Variants in B3GAT2 observed in about 807,000 individuals in gnomAD.
B3GAT2 encodes galactosylgalactosylxylosylprotein 3-beta-glucuronosyltransferase 2.
In B3GAT2, 26 loss-of-function variants were observed where a neutral mutation model predicts 27.8. The ratio of observed to expected loss-of-function variants is 0.93; its 90% CI spans 0.68 to 1.30. The LOEUF is 1.30. Among genes scored for constraint, B3GAT2 ranks in the 50% most tolerant of loss-of-function variants. B3GAT2 has a pLI of 0.00. For synonymous variants in B3GAT2, 218 were observed against 195.1 expected (o/e 1.12, Z -0.98); for missense variants, 458 against 459.0 (o/e 1.00, Z 0.02).
intron 1 of B3GAT2, 147 bp from the exon 2 acceptor site, chr6:70,894,419 G>A (rs1772344995): frequency 1.1e-6 from 1 of 877,754 alleles, no homozygotes; most frequent in Non-Finnish European, 1.6e-6. Flanking sequence ...TCTGCTGCTA[G>A]AGTATGGCCC....
At position 70,861,964 on chromosome 6, in the gene B3GAT2, G is replaced by GACTT. The variant is rs763580869; in HGVS notation, c.747_750dup (p.Leu251LysfsTer14). 14 of 1,607,892 alleles carry GACTT rather than the reference G, an allele frequency of 8.7e-6. No homozygotes were observed. The highest frequency in any genetic ancestry group is 5.5e-5 in the South Asian group (5 of 90,676). ...TTTGGATTGGACAAAATGACTTGAA[G>GACTT]ACTTACAGCAAATCCTTTGTGAAAA... On this transcript the variant is annotated frameshift_variant, in exon 3 of 4. Transcript: ENST00000230053. LOFTEE classifies it high-confidence loss of function.
chr6:70,891,097 C>G (rs1255657594), intron 2 of B3GAT2, among the ~76,000 whole-genome samples: 2 of 152,186 alleles, frequency 1.3e-5, no homozygotes, highest in African/African-American at 2.4e-5. Flanking sequence ...CAAAACAGAG[C>G]TAAAACCTTT....
chr6:70,927,028 GC>G (rs1210407473), intron 1 of B3GAT2, among the ~76,000 whole-genome samples: 1 of 152,128 alleles, frequency 6.6e-6, no homozygotes, highest in Non-Finnish European at 1.5e-5. Context: ...TATTCAACAT[GC>G]TTAAAGAAAA....
chr6:70,883,716 TA>T lies in B3GAT2; in HGVS notation c.736+10411del, dbSNP rs199708662. Among the ~76,000 whole-genome samples, 4 of 152,290 alleles carry T rather than the reference TA, an allele frequency of 2.6e-5. No individual in the cohort carries two copies. The East Asian group carries it at 7.7e-4, about 29-fold the overall frequency. On this transcript the variant is annotated intron_variant, in intron 2 of 3. Transcript: ENST00000230053. ...GTCCACTTCAAAATGGTTAAAATGG[TA>T]AATTTTATGTTACGTATATTTCACC...
chr6:70,954,931 G>A (rs1338561280), intron 1 of B3GAT2, among the ~76,000 whole-genome samples: 2 of 150,786 alleles, frequency 1.3e-5, no homozygotes, highest in African/African-American at 2.4e-5. Flanking sequence ...GGGGCGGTGC[G>A]CGCGTGGCCA....
chr6:70,869,163 C>A (rs1771896824), intron 2 of B3GAT2, among the ~76,000 whole-genome samples: 1 of 152,068 alleles, frequency 6.6e-6, no homozygotes, highest in Non-Finnish European at 1.5e-5. Flanking sequence ...TATGTCAGTA[C>A]CACACTGTAT....
Position 70,859,653 on chromosome 6 carries a change from ATT to A in B3GAT2, c.*2008_*2009del. 3 of 272,984 alleles carry A rather than the reference ATT, an allele frequency of 1.1e-5. No homozygotes were observed. The highest frequency in any genetic ancestry group is 7.0e-5 in the East Asian group (1 of 14,348). The allele number at this position is 272,984 out of a possible 1,614,324, so 16.9% of individuals were successfully genotyped here. On this transcript the variant is annotated 3_prime_UTR_variant, in exon 4 of 4. Transcript: ENST00000230053. ...GGTTAAGATGCTTATATATATATAT[ATT>A]TGACTCCAGTCTTGAAGAAAAATAC...
chr6:70,912,141 C>G (rs1033498758), intron 1 of B3GAT2, among the ~76,000 whole-genome samples: 2 of 152,060 alleles, frequency 1.3e-5, no homozygotes, highest in Non-Finnish European at 2.9e-5. Context: ...TGCTTGACTG[C>G]TCTGCCTAGG....
intron 2 of B3GAT2, among the ~76,000 whole-genome samples, chr6:70,865,040 T>C (rs1582337269): frequency 6.6e-6 from 1 of 152,322 alleles, no homozygotes. Flanking sequence ...ACCCTCTGTA[T>C]CTGCAGATGC....
intron 1 of B3GAT2, among the ~76,000 whole-genome samples, chr6:70,925,583 C>T (rs1449035772): frequency 6.6e-6 from 1 of 152,192 alleles, no homozygotes; most frequent in Non-Finnish European, 1.5e-5. Flanking sequence ...TGCAAGACGG[C>T]CCCAAGACTG....
intron 1 of B3GAT2, among the ~76,000 whole-genome samples, chr6:70,897,920 A>G (rs909655957): frequency 2.6e-5 from 4 of 152,130 alleles, no homozygotes; most frequent in African/African-American, 7.2e-5. Context: ...TCAGCTATGC[A>G]TATATGTATG....
chr6:70,944,944 C>T (rs1765454963), intron 1 of B3GAT2, among the ~76,000 whole-genome samples: 1 of 152,194 alleles, frequency 6.6e-6, no homozygotes, highest in Non-Finnish European at 1.5e-5. Context: ...GCCACCGCTG[C>T]TGATAACCAG....
At chr6:70,862,669 C>G (rs941940335) in intron 2 of B3GAT2, among the ~76,000 whole-genome samples, 1 of 152,030 alleles carries the variant, frequency 6.6e-6, no homozygotes, top group Non-Finnish European at 1.5e-5. Context: ...ATGGTTTGGT[C>G]ATACGAAAAA....
chr6:70,862,149 A>ATCAG lies in B3GAT2; in HGVS notation c.737-175_737-172dup, dbSNP rs1360637081. 32 of 625,784 alleles carry ATCAG rather than the reference A, an allele frequency of 5.1e-5. No homozygotes were observed. The African/African-American group carries it at 5.7e-4, about 11-fold the overall frequency. 38.8% of individuals were successfully genotyped at this position (625,784 alleles called of 1,614,324 possible). A position where few individuals can be genotyped will look rare whatever the true frequency, so the allele number is the denominator to read the frequency against. ...ACCTGTATTACAGTCTCAAAGGAAAATCAGTCATTACAATATTTTACATTC... is the reference window on the plus strand; with the variant it reads ...ACCTGTATTACAGTCTCAAAGGAAAATCAGTCAGTCATTACAATATTTTACATTC... On this transcript the variant is annotated intron_variant, in intron 2 of 3. Coordinates refer to ENST00000230053, the MANE Select transcript of B3GAT2 (RefSeq NM_080742.3).
Position 70,857,844 on chromosome 6 carries a change from A to AAT in B3GAT2, c.*3817_*3818dup. The stretch of plus-strand genomic sequence containing the variant: ...TTTGCTGTGAGTAGTTCAGAAAGGC[A>AAT]ATTTTTCTGTGATTATAGAGATGAG... On this transcript the variant is annotated 3_prime_UTR_variant, in exon 4 of 4. Transcript: ENST00000230053. 1 of 1,516,550 alleles carries AAT rather than the reference A, an allele frequency of 6.6e-7. No homozygotes were observed. The allele number at this position is 1,516,550 out of a possible 1,614,324, so 93.9% of individuals were successfully genotyped here. A position where few individuals can be genotyped will look rare whatever the true frequency, so the allele number is the denominator to read the frequency against.
In B3GAT2 at chr6:70,859,361, C is replaced by T. The variant is rs377005332; in HGVS notation, c.*2302G>A. On this transcript the variant is annotated 3_prime_UTR_variant, in exon 4 of 4. Transcript: ENST00000230053. ...AGAAGGGTGATGCTGTTCTCCAGCA[C>T]TCCATCAGTGCAATCTACTGGCCAA... The T allele has an allele frequency of 4.5e-6, 7 of 1,549,168 alleles. No individual in the cohort carries two copies. The highest frequency in any genetic ancestry group is 6.1e-6 in the Non-Finnish European group (7 of 1,146,390).
At chr6:70,911,050 A>T (rs1318673390) in intron 1 of B3GAT2, among the ~76,000 whole-genome samples, 1 of 152,042 alleles carries the variant, frequency 6.6e-6, no homozygotes, top group Non-Finnish European at 1.5e-5. Context: ...TAAGTTCCTT[A>T]TAGATTCTGG....
At chr6:70,920,133 C>T (rs993767126) in intron 1 of B3GAT2, among the ~76,000 whole-genome samples, 9 of 152,160 alleles carry the variant, frequency 5.9e-5, no homozygotes, top group South Asian at 2.1e-4. Flanking sequence ...CAATGGTGGA[C>T]GCCGCTCCCC....
intron 1 of B3GAT2, among the ~76,000 whole-genome samples, chr6:70,952,663 G>T (rs1765595698): frequency 6.6e-6 from 1 of 152,144 alleles, no homozygotes; most frequent in African/African-American, 2.4e-5. Flanking sequence ...GGAAGAAGAG[G>T]AGTAGCTGTT....
Sources: allele counts gnomAD v4.1 joint callset (sites outside exome capture counted in the v4.1 genomes callset), GRCh38; gene constraint gnomAD v4.1.1; transcripts MANE v1.5; gene names NCBI Gene and HGNC (gene_info 2026-07-23, HGNC 2026-07-21).